The following TIAM1 variants were observed in gnomAD, a reference collection of about 807,000 sequenced individuals.
TIAM1 encodes TIAM Rac1 associated GEF 1.
In TIAM1, 65 loss-of-function variants were observed where a neutral mutation model predicts 163.5. The ratio of observed to expected loss-of-function variants is 0.40; its 90% CI spans 0.33 to 0.49. The LOEUF (loss-of-function observed/expected upper bound fraction) is 0.49. Among genes scored for constraint, TIAM1 ranks in the 20% least tolerant of loss-of-function variants. The pLI is 0.77. For missense variants in TIAM1, 1,789 were observed against 2,044.7 expected (o/e 0.87, Z 2.41); for synonymous variants, 833 against 810.1 (o/e 1.03, Z -0.48).
At chr21:31,490,610 A>C (rs766441580) in intron 1 of TIAM1, among the ~76,000 whole-genome samples, 3 of 152,100 alleles carry the variant, frequency 2.0e-5, no homozygotes, top group Non-Finnish European at 4.4e-5. Context: ...AACCAATGAG[A>C]GCCTCCCATT....
intron 2 of TIAM1, among the ~76,000 whole-genome samples, chr21:31,400,850 G>A (rs1238093180): frequency 6.6e-6 from 1 of 151,694 alleles, no homozygotes; most frequent in East Asian, 1.9e-4. Context: ...CAGCACTTTG[G>A]GAGGCCGAGG....
In TIAM1 at chr21:31,436,248, C is replaced by T. The variant is rs139680173; in HGVS notation, c.-369+27735G>A. On this transcript the variant is annotated intron_variant, in intron 2 of 28. Coordinates refer to the TIAM1 transcript ENST00000286827. Reference sequence around the variant, plus strand: ...GACAAGCACCACGTAATATACACGTCATTCAATCACCAGTGTCCACCACTG... The same window carrying T: ...GACAAGCACCACGTAATATACACGTTATTCAATCACCAGTGTCCACCACTG... Among the ~76,000 whole-genome samples, 88 of 152,314 alleles carry T rather than the reference C, an allele frequency of 5.8e-4. No homozygotes were observed. In the East Asian group the frequency reaches 0.014, roughly 24 times the overall value.
At chr21:31,541,317 T>TGTG (rs905870188) in intron 1 of TIAM1, among the ~76,000 whole-genome samples, 2 of 151,572 alleles carry the variant, frequency 1.3e-5, no homozygotes, top group African/African-American at 4.9e-5. Flanking sequence ...GTTAGCCAGG[T>TGTG]GTGGTGGTGC....
At chr21:31,528,395 C>T (rs2047856074) in intron 1 of TIAM1, among the ~76,000 whole-genome samples, 1 of 152,030 alleles carries the variant, frequency 6.6e-6, no homozygotes, top group African/African-American at 2.4e-5. Flanking sequence ...CATCTAGCTA[C>T]TCAGTCCTAG....
intron 2 of TIAM1, among the ~76,000 whole-genome samples, chr21:31,400,521 G>T (rs992787009): frequency 6.6e-6 from 1 of 152,134 alleles, no homozygotes; most frequent in African/African-American, 2.4e-5. Flanking sequence ...TGGATTTTCT[G>T]CACTCCTATA....
chr21:31,279,157 T>C (rs1047883616), intron 2 of TIAM1, among the ~76,000 whole-genome samples: 4 of 151,934 alleles, frequency 2.6e-5, no homozygotes, highest in African/African-American at 9.7e-5. Context: ...AAAAAAACTA[T>C]ACAGAGAGAA....
At chr21:31,480,711 TG>T (rs2046083357) in intron 1 of TIAM1, among the ~76,000 whole-genome samples, 1 of 152,138 alleles carries the variant, frequency 6.6e-6, no homozygotes, top group Admixed American at 6.5e-5. Flanking sequence ...TAGCACAGAC[TG>T]GGGGATTCAA....
intron 12 of TIAM1, among the ~76,000 whole-genome samples, chr21:31,202,289 C>T (rs1175846552): frequency 2.6e-5 from 4 of 151,856 alleles, no homozygotes; most frequent in Admixed American, 6.6e-5. Context: ...CAGTGGCTCA[C>T]GCCTGTAATT....
intron 2 of TIAM1, among the ~76,000 whole-genome samples, chr21:31,406,640 T>C (rs2077252252): frequency 6.6e-6 from 1 of 152,058 alleles, no homozygotes; most frequent in Non-Finnish European, 1.5e-5. Context: ...AGAATCTGCA[T>C]GTTACTAAAT....
At chr21:31,387,825 G>A (rs78901093) in intron 2 of TIAM1, among the ~76,000 whole-genome samples, 2 of 151,962 alleles carry the variant, frequency 1.3e-5, no homozygotes, top group African/African-American at 2.4e-5. Flanking sequence ...TCTCCCAGGC[G>A]CACCTTCCCC....
In TIAM1 at chr21:31,293,848, A is replaced by G. The variant is rs139130331; in HGVS notation, c.-188-16940T>C. Among the ~76,000 whole-genome samples the G allele has an allele frequency of 7.2e-3, 1,100 of 152,352 alleles. 6 individuals are homozygous for G. The highest frequency in any genetic ancestry group is 0.011 in the Non-Finnish European group (747 of 68,038). ...ATTTCAACATGGAAAACTGCATTAA[A>G]ATATATTTACAGATTGGAAAACACA... On this transcript the variant is annotated intron_variant, in intron 2 of 27. Transcript: ENST00000541036.
At chr21:31,227,052 G>T (rs1173285501) in intron 6 of TIAM1, among the ~76,000 whole-genome samples, 1 of 150,614 alleles carries the variant, frequency 6.6e-6, no homozygotes, top group Non-Finnish European at 1.5e-5. Flanking sequence ...TGCCTCCCAG[G>T]TCCAAGCAAT....
intron 19 of TIAM1, among the ~76,000 whole-genome samples, chr21:31,149,049 G>A (rs2083267089): frequency 6.6e-6 from 1 of 151,942 alleles, no homozygotes; most frequent in Admixed American, 6.5e-5. Context: ...GAGCAAATCT[G>A]GAAACCAACT....
chr21:31,549,509 T>C (rs139555424), intron 1 of TIAM1, among the ~76,000 whole-genome samples: 1 of 152,184 alleles, frequency 6.6e-6, no homozygotes, highest in African/African-American at 2.4e-5. Context: ...CGTCTGAAGA[T>C]ACATTTCTTC....
At chr21:31,475,774 A>G (rs772877111) in intron 1 of TIAM1, among the ~76,000 whole-genome samples, 3 of 152,236 alleles carry the variant, frequency 2.0e-5, no homozygotes, top group Non-Finnish European at 4.4e-5. Context: ...CGCAGAGAAA[A>G]CAGCGAAACG....
rs114998918 is a variant in TIAM1, at chr21:31,250,867, A to T, written c.1411+875T>A. 3.6e-3 allele frequency among the ~76,000 whole-genome samples: 541 copies of T among 152,306 alleles called. 1 individual carries two copies. Among genetic ancestry groups the T allele is most frequent in the African/African-American group, 0.012 (516 of 41,562 alleles). On this transcript the variant is annotated intron_variant, in intron 5 of 27. Transcript: ENST00000541036. The stretch of plus-strand genomic sequence containing the variant: ...ATGTGCAAAATGACAACAAATACCA[A>T]CAAATACAAGCATGGTTATATAAAC...
At chr21:31,291,842 C>T (rs746869125) in intron 2 of TIAM1, among the ~76,000 whole-genome samples, 7 of 152,090 alleles carry the variant, frequency 4.6e-5, no homozygotes, top group African/African-American at 1.7e-4. Context: ...GCCTGTATAA[C>T]CCTCAGATAT....
chr21:31,389,460 C>T (rs1341356405), intron 2 of TIAM1, among the ~76,000 whole-genome samples: 3 of 152,166 alleles, frequency 2.0e-5, no homozygotes, highest in East Asian at 3.9e-4. Context: ...CTGCCTGCCT[C>T]GGCCTCCCAA....
chr21:31,135,719 G>A (rs1555857693), intron 23 of TIAM1, among the ~76,000 whole-genome samples: 1 of 151,790 alleles, frequency 6.6e-6, no homozygotes, highest in South Asian at 2.1e-4. Context: ...AGCCATTTCC[G>A]CCCACCCATG....
Sources: allele counts gnomAD v4.1 joint callset (sites outside exome capture counted in the v4.1 genomes callset), GRCh38; gene constraint gnomAD v4.1.1; transcripts MANE v1.5; gene names NCBI Gene and HGNC (gene_info 2026-07-23, HGNC 2026-07-21).